Variants in AS3MT observed in about 807,000 individuals in gnomAD.
The protein encoded by AS3MT is arsenite methyltransferase.
A neutral mutation model predicts 45.3 loss-of-function variants in AS3MT; 47 were observed. That is an observed-to-expected ratio of 1.04 (90% CI 0.82 to 1.32). The LOEUF is 1.32. AS3MT is among the 40% of genes most tolerant of loss of function. AS3MT has a pLI of 0.00. For synonymous variants in AS3MT, 141 were observed against 152.8 expected (o/e 0.92, Z 0.57); for missense variants, 396 against 451.1 (o/e 0.88, Z 1.11).
chr10:102,890,401 G>T lies in AS3MT; in HGVS notation c.886-143G>T, dbSNP rs1253155756. On this transcript the variant is annotated intron_variant, in intron 9 of 10. Transcript: ENST00000369880. Reference sequence around the variant, plus strand: ...AATCTCCATACTGTTTCCCATAATGGCTGTACTAATTTAAATTCCCACCAA... The same window carrying T: ...AATCTCCATACTGTTTCCCATAATGTCTGTACTAATTTAAATTCCCACCAA... 6.7e-6 allele frequency: 4 copies of T among 601,112 alleles called. No individual in the cohort carries two copies. In the Admixed American group the frequency reaches 1.4e-4, roughly 22 times the overall value. The allele number at this position is 601,112 out of a possible 1,614,324, so 37.2% of individuals were successfully genotyped here.
intron 10 of AS3MT, among the ~76,000 whole-genome samples, chr10:102,891,679 A>G (rs1845072760): frequency 6.6e-6 from 1 of 152,038 alleles, no homozygotes; most frequent in South Asian, 2.1e-4. Flanking sequence ...TGGGTGCAGA[A>G]GTTCACACTC....
Position 102,869,804 on chromosome 10 carries a change from G to A in AS3MT, c.2-1G>A. The A allele has an allele frequency of 1.2e-6, 2 of 1,614,140 alleles. No individual in the cohort carries two copies. Among genetic ancestry groups the A allele is most frequent in the South Asian group, 1.1e-5 (1 of 91,092 alleles). Reference sequence around the variant, plus strand: ...TCAACTAACTTTCCCGCTCCCGACAGTGGCTGCACTTCGTGACGCTGAGAT... The same window carrying A: ...TCAACTAACTTTCCCGCTCCCGACAATGGCTGCACTTCGTGACGCTGAGAT... On this transcript the variant is annotated splice_acceptor_variant, in intron 1 of 10. Transcript: ENST00000369880. LOFTEE classifies it high-confidence loss of function.
In AS3MT at chr10:102,900,695, T is replaced by A. The variant is rs1845255989; in HGVS notation, c.1123T>A (p.Cys375Ser). ...AGGCTGCTGTGGCACAAAGAAAAGCTGCTAAATCTATAGCCAACCAGGGGA... is the reference window on the plus strand; with the variant it reads ...AGGCTGCTGTGGCACAAAGAAAAGCAGCTAAATCTATAGCCAACCAGGGGA... Reference protein sequence around the residue: ...AGGCCGTKKSC With the variant: ...AGGCCGTKKSS The change falls in exon 11 of 11, where the codon TGC becomes AGC. Residue 375 changes from cysteine (C) to serine (S), a missense_variant. Physicochemically the swap from Cys to Ser is moderately radical, Grantham distance 112. Coordinates refer to ENST00000369880, the MANE Select transcript of AS3MT (RefSeq NM_020682.4). 1 of 1,613,670 alleles carries A rather than the reference T, an allele frequency of 6.2e-7. No individual in the cohort carries two copies. The highest frequency in any genetic ancestry group is 8.5e-7 in the Non-Finnish European group (1 of 1,179,574).
chr10:102,893,654 C>G (rs1349749808), intron 10 of AS3MT, among the ~76,000 whole-genome samples: 1 of 152,066 alleles, frequency 6.6e-6, no homozygotes, highest in Non-Finnish European at 1.5e-5. Context: ...TGCCACCATG[C>G]CTGGCTAATT....
chr10:102,870,428 G>T (rs1844658866), intron 3 of AS3MT, among the ~76,000 whole-genome samples: 1 of 152,198 alleles, frequency 6.6e-6, no homozygotes, highest in Non-Finnish European at 1.5e-5. Context: ...AAGTGCTTGG[G>T]AGGCTGAGGC....
intron 10 of AS3MT, among the ~76,000 whole-genome samples, chr10:102,891,932 G>C (rs893682814): frequency 1.8e-5 from 2 of 109,096 alleles, no homozygotes; most frequent in African/African-American, 7.4e-5. Flanking sequence ...CTGGGCAACA[G>C]AGTGAGACTC....
At chr10:102,897,200 C>T (rs1235051296) in intron 10 of AS3MT, among the ~76,000 whole-genome samples, 1 of 151,518 alleles carries the variant, frequency 6.6e-6, no homozygotes, top group South Asian at 2.1e-4. Context: ...CTGGCTAACA[C>T]GGTGAAACCC....
intron 9 of AS3MT, among the ~76,000 whole-genome samples, chr10:102,883,511 G>T (rs566702463): frequency 6.6e-6 from 1 of 151,784 alleles, no homozygotes; most frequent in Non-Finnish European, 1.5e-5. Context: ...TCAGGAGTTC[G>T]AGACCAGCCT....
At chr10:102,879,318 G>A (rs1459962566) in intron 9 of AS3MT, among the ~76,000 whole-genome samples, 1 of 151,974 alleles carries the variant, frequency 6.6e-6, no homozygotes, top group African/African-American at 2.4e-5. Context: ...CACCACACCT[G>A]GCTAATATTT....
chr10:102,878,984 C>T lies in AS3MT; in HGVS notation c.878C>T (p.Thr293Ile). The change falls in exon 9 of 11, where the codon ACA becomes ATA. Residue 293 changes from threonine (T) to isoleucine (I), a missense_variant. Physicochemically the swap from Thr to Ile is moderately conservative, Grantham distance 89. Transcript: ENST00000369880. ...GAACTAATGTTTGATGCCAATTTTA[C>T]ATTTAAGGTAAATAAAACAATTTCC... The part of the protein sequence containing the change: ...EKELMFDANF[T>I]FKEGEIVEVD... The T allele has an allele frequency of 6.2e-7, 1 of 1,609,854 alleles. No homozygotes were observed. The highest frequency in any genetic ancestry group is 1.1e-5 in the South Asian group (1 of 90,246).
intron 6 of AS3MT, among the ~76,000 whole-genome samples, 196 bp downstream of exon 6, chr10:102,874,857 T>C (rs1250860199): frequency 6.6e-6 from 1 of 152,212 alleles, no homozygotes; most frequent in African/African-American, 2.4e-5. Flanking sequence ...CAAAAGGTAG[T>C]AAATCCGAGG....
chr10:102,877,034 G>A lies in AS3MT; in HGVS notation c.609G>A (p.Trp203Ter). ...PEEIRTHKVLWGECLGGALYW... is the reference protein window; with the variant it reads ...PEEIRTHKVL ...AAATCAGGACACACAAAGTTTTATG[G>A]GGTAGGTGATTTTGTTTAGTTTAGT... The change falls in exon 7 of 11, where the codon TGG (tryptophan) becomes TGA (stop). Residue 203 changes from tryptophan to a stop codon, truncating the protein, a stop_gained and splice_region_variant. Transcript: ENST00000369880. LOFTEE classifies it high-confidence loss of function. 1 of 1,613,862 alleles carries A rather than the reference G, an allele frequency of 6.2e-7. No individual in the cohort carries two copies. The highest frequency in any genetic ancestry group is 8.5e-7 in the Non-Finnish European group (1 of 1,179,794).
At chr10:102,890,354 T>C (rs1201019538) in intron 9 of AS3MT, among the ~76,000 whole-genome samples, 190 bp from the exon 10 acceptor site, 3 of 152,082 alleles carry the variant, frequency 2.0e-5, no homozygotes, top group African/African-American at 7.2e-5. Context: ...CATATAGTAG[T>C]TCTATTTTTA....
chr10:102,878,533 G>A, intron 8 of AS3MT, 23 bp downstream of exon 8: 3 of 1,612,140 alleles, frequency 1.9e-6, no homozygotes, highest in Non-Finnish European at 2.5e-6. Context: ...AGACAGCAGG[G>A]ACTATTATAA....
chr10:102,894,835 T>C (rs1165752279), intron 10 of AS3MT, among the ~76,000 whole-genome samples: 1 of 152,210 alleles, frequency 6.6e-6, no homozygotes, highest in African/African-American at 2.4e-5. Flanking sequence ...AATCACAAAA[T>C]CTTTGAATCT....
At position 102,889,630 on chromosome 10, in the gene AS3MT, T is replaced by G. The variant is rs796724992; in HGVS notation, c.886-914T>G. 5.9e-3 allele frequency among the ~76,000 whole-genome samples: 693 copies of G among 117,242 alleles called. 6 individuals carry two copies. Among genetic ancestry groups the G allele is most frequent in the African/African-American group, 0.014 (481 of 33,810 alleles). The allele number at this position is 117,242 out of a possible 152,430, so 76.9% of individuals were successfully genotyped here. On this transcript the variant is annotated intron_variant, in intron 9 of 10. Transcript: ENST00000369880. ...TGTCTGCCTGCCTTCCTTCCTTCCT[T>G]CCTTCCTTCCTTCCTTTCTTCCTTC...
intron 10 of AS3MT, among the ~76,000 whole-genome samples, chr10:102,895,680 G>T (rs992502106): frequency 6.6e-6 from 1 of 152,020 alleles, no homozygotes; most frequent in African/African-American, 2.4e-5. Context: ...ACGCCACCAG[G>T]TGATCCACCC....
intron 10 of AS3MT, among the ~76,000 whole-genome samples, chr10:102,896,691 C>T (rs1019879161): frequency 6.6e-6 from 1 of 151,944 alleles, no homozygotes; most frequent in Non-Finnish European, 1.5e-5. Flanking sequence ...CGCCTGTAAT[C>T]CCAGCTACTC....
intron 9 of AS3MT, among the ~76,000 whole-genome samples, chr10:102,883,980 C>CTTTTTT (rs35305641): frequency 7.7e-6 from 1 of 129,434 alleles, no homozygotes; most frequent in Non-Finnish European, 1.6e-5. Context: ...TTCTTTATTT[C>CTTTTTT]TTTTTTTTTT....
Sources: allele counts gnomAD v4.1 joint callset (sites outside exome capture counted in the v4.1 genomes callset), GRCh38; gene constraint gnomAD v4.1.1; transcripts MANE v1.5; gene names NCBI Gene and HGNC (gene_info 2026-07-23, HGNC 2026-07-21).